IGSF10: variants seen among roughly 807,000 people sequenced by gnomAD.
IGSF10 encodes calvaria mechanical force protein 608.
A neutral mutation model predicts 128.2 loss-of-function variants in IGSF10; 126 were observed. The observed-to-expected ratio is 0.98, with a 90% CI of 0.85 to 1.14. IGSF10 has a LOEUF of 1.14. Ranked by LOEUF, IGSF10 falls within the 50% of genes most tolerant of loss-of-function variation. The probability of loss-of-function intolerance (pLI) is 0.00; values close to 1 mark genes in which losing one functional copy is unlikely to be tolerated. For missense variants in IGSF10, 3,295 were observed against 3,149.8 expected (o/e 1.05, Z -1.10); for synonymous variants, 1,185 against 1,146.2 (o/e 1.03, Z -0.68).
At chr3:151,469,083 G>A in the IGSF10 span, among the ~76,000 whole-genome samples, 3 of 152,130 alleles carry the variant, frequency 2.0e-5, no homozygotes, top group South Asian at 6.2e-4. Flanking sequence ...CTTTTTTATA[G>A]CTGCATAGTA....
the IGSF10 span, among the ~76,000 whole-genome samples, chr3:151,615,965 T>G: frequency 3.2e-3 from 255 of 78,660 alleles, no homozygotes; most frequent in African/African-American, 0.016. Context: ...TTTTTTGAGG[T>G]TTTTTTTTTT....
At chr3:151,608,957 G>GCCA in the IGSF10 span, among the ~76,000 whole-genome samples, 1 of 152,166 alleles carries the variant, frequency 6.6e-6, no homozygotes, top group African/African-American at 2.4e-5. Context: ...TAATACTGAT[G>GCCA]CCAGAGTCCT....
chr3:151,443,649 C>T lies in IGSF10; in HGVS notation c.5298G>A (p.Lys1766=). The change falls in exon 7 of 8, where the codon AAG becomes AAA. Residue 1766 remains lysine (K), a synonymous_variant. Coordinates refer to ENST00000282466, the MANE Select transcript of IGSF10 (RefSeq NM_178822.5). The part of the protein sequence containing the change: ...TVHSGSTVEL[K]CRAEGRPSPT... Reference sequence around the variant, plus strand: ...GGCTTGGCCTACCTTCTGCTCTGCACTTCAGTTCCACAGTGCTTCCGGAAT... The same window carrying T: ...GGCTTGGCCTACCTTCTGCTCTGCATTTCAGTTCCACAGTGCTTCCGGAAT... The T allele has an allele frequency of 5.0e-6, 8 of 1,614,234 alleles. No homozygotes were observed. The highest frequency in any genetic ancestry group is 6.8e-6 in the Non-Finnish European group (8 of 1,180,042).
chr3:151,516,643 G>A, the IGSF10 span, among the ~76,000 whole-genome samples: 15 of 151,624 alleles, frequency 9.9e-5, no homozygotes, highest in African/African-American at 3.1e-4. Context: ...CTTCTAGAAG[G>A]GCATCATTTG....
chr3:151,463,736 A>G (rs562317608), upstream of IGSF10, among the ~76,000 whole-genome samples: 1 of 151,854 alleles, frequency 6.6e-6, no homozygotes, highest in South Asian at 2.1e-4. Flanking sequence ...CTGTAATCCC[A>G]GCATTTTGGG....
In IGSF10 at chr3:151,446,997, G is replaced by A. The variant is rs572595159; in HGVS notation, c.2984C>T (p.Pro995Leu). ...DPHTAAHSQF[P>L]IPRNSTVNIP... ...GTTAACTGTACTATTTCTAGGGATCGGAAACTGAGAATGAGCAGCTGTGTG... is the reference window on the plus strand; with the variant it reads ...GTTAACTGTACTATTTCTAGGGATCAGAAACTGAGAATGAGCAGCTGTGTG... The change falls in exon 6 of 8, where the codon CCG becomes CTG. Residue 995 changes from proline to leucine, a missense_variant. By Grantham distance (98) the Pro-to-Leu change is moderately conservative. Coordinates refer to ENST00000282466, the MANE Select transcript of IGSF10 (RefSeq NM_178822.5). The A allele has an allele frequency of 5.6e-5, 91 of 1,614,052 alleles. No individual in the cohort carries two copies. Among genetic ancestry groups the A allele is most frequent in the South Asian group, 8.8e-5 (8 of 91,078 alleles).
the IGSF10 span, among the ~76,000 whole-genome samples, chr3:151,581,419 C>T: frequency 6.6e-6 from 1 of 152,118 alleles, no homozygotes; most frequent in Non-Finnish European, 1.5e-5. Context: ...TTTTTGTGCT[C>T]ACTGTCACTA....
the IGSF10 span, among the ~76,000 whole-genome samples, chr3:151,557,207 AC>A: frequency 6.6e-6 from 1 of 152,206 alleles, no homozygotes; most frequent in African/African-American, 2.4e-5. Context: ...TGTGACTCAA[AC>A]AAAGGCCAGA....
In IGSF10 at chr3:151,458,711, C is replaced by T. The variant is rs770924107; in HGVS notation, c.-1-1G>A. ...GATTCCTCTGCCTTTTACCTTCATC[C>T]TGAAAAAACATCATACCTCAGAGTT... On this transcript the variant is annotated splice_acceptor_variant, in intron 2 of 7. Coordinates refer to ENST00000282466, the MANE Select transcript of IGSF10 (RefSeq NM_178822.5). LOFTEE classifies it low-confidence loss of function (5UTR_SPLICE). The T allele has an allele frequency of 1.2e-6, 2 of 1,610,168 alleles. No homozygotes were observed. The highest frequency in any genetic ancestry group is 2.2e-5 in the East Asian group (1 of 44,840).
the IGSF10 span, among the ~76,000 whole-genome samples, chr3:151,618,224 A>G: frequency 6.6e-6 from 1 of 152,116 alleles, no homozygotes; most frequent in Non-Finnish European, 1.5e-5. Flanking sequence ...CCAGGAAGAG[A>G]GTCGTCACCA....
In IGSF10 at chr3:151,438,212, A is replaced by C; in HGVS notation, c.6349T>G (p.Tyr2117Asp). ...NKVGVAEEGD[Y>D]TCYAQNTLGK... is the part of the protein sequence containing the mutation. ...AGGGTGTTCTGGGCATAGCAAGTAT[A>C]ATCTCCTTCCTCCGCTACCCCAACT... is the stretch of plus-strand genomic sequence containing the variant. The change falls in exon 8 of 8, where the codon TAT (tyrosine) becomes GAT (aspartate). Residue 2117 changes from tyrosine to aspartate, a missense_variant. Tyr to Asp is a radical substitution (Grantham distance 160). Coordinates refer to ENST00000282466, the MANE Select transcript of IGSF10 (RefSeq NM_178822.5). 1.9e-6 allele frequency: 3 copies of C among 1,614,128 alleles called. No homozygotes were observed. The highest frequency in any genetic ancestry group is 2.5e-6 in the Non-Finnish European group (3 of 1,180,034).
At chr3:151,438,718 C>T (rs1488468964) in intron 7 of IGSF10, 121 bp from the exon 8 acceptor site, 2 of 677,286 alleles carry the variant, frequency 3.0e-6, no homozygotes, top group African/African-American at 3.6e-5. Flanking sequence ...AATTGTGTAT[C>T]TTTGAGGTGT....
chr3:151,496,578 T>C, the IGSF10 span, among the ~76,000 whole-genome samples: 235 of 97,116 alleles, frequency 2.4e-3, 3 homozygotes, highest in African/African-American at 9.5e-3. Flanking sequence ...CAGTCTATCA[T>C]TGTTGGACAT....
At position 151,443,451 on chromosome 3, in the gene IGSF10, C is replaced by T; in HGVS notation, c.5496G>A (p.Leu1832=). 1 of 1,614,188 alleles carries T rather than the reference C, an allele frequency of 6.2e-7. No individual in the cohort carries two copies. The highest frequency in any genetic ancestry group is 8.5e-7 in the Non-Finnish European group (1 of 1,180,042). ...GTGCTGCAATGACTTGTATTTTAACCAGCAGTGAATCCTGGCCACCTGGGT... is the reference window on the plus strand; with the variant it reads ...GTGCTGCAATGACTTGTATTTTAACTAGCAGTGAATCCTGGCCACCTGGGT... The part of the protein sequence containing the change: ...ASNPGGQDSL[L]VKIQVIAAPP... The change falls in exon 7 of 8, where the codon CTG becomes CTA. Residue 1832 remains leucine, a synonymous_variant. Transcript: ENST00000282466.
chr3:151,618,637 G>A, the IGSF10 span, among the ~76,000 whole-genome samples: 6 of 151,906 alleles, frequency 3.9e-5, no homozygotes, highest in African/African-American at 1.5e-4. Flanking sequence ...GGCTGAGGCA[G>A]GAGAATGGCG....
At chr3:151,459,421 A>G (rs1721950409) in intron 2 of IGSF10, among the ~76,000 whole-genome samples, 1 of 152,198 alleles carries the variant, frequency 6.6e-6, no homozygotes. Flanking sequence ...ATCTCTTTCT[A>G]ACCGGTTTTC....
the IGSF10 span, among the ~76,000 whole-genome samples, chr3:151,532,136 C>G: frequency 6.6e-6 from 1 of 152,076 alleles, no homozygotes; most frequent in Admixed American, 6.6e-5. Flanking sequence ...AGGAAGAAGT[C>G]AAATCCTGGA....
At chr3:151,517,776 TCTTGCTAAATGTAACATAATCAAA>T in the IGSF10 span, among the ~76,000 whole-genome samples, 2 of 151,968 alleles carry the variant, frequency 1.3e-5, no homozygotes, top group Non-Finnish European at 2.9e-5. Context: ...ATGGAGTCAC[TCTTGCTAAATGTAACATAATCAAA>T]CTAAGACTTT....
the IGSF10 span, among the ~76,000 whole-genome samples, chr3:151,594,434 C>G: frequency 6.7e-6 from 1 of 149,974 alleles, no homozygotes; most frequent in Admixed American, 6.6e-5. Flanking sequence ...CCCGGGTTCA[C>G]GCCATTCTCC....
Sources: allele counts gnomAD v4.1 joint callset (sites outside exome capture counted in the v4.1 genomes callset), GRCh38; gene constraint gnomAD v4.1.1; transcripts MANE v1.5; gene names NCBI Gene and HGNC (gene_info 2026-07-23, HGNC 2026-07-21).